MAGI2: variants seen among roughly 807,000 people sequenced by gnomAD.
MAGI2 encodes the protein membrane associated guanylate kinase, WW and PDZ domain containing 2, also known as membrane-associated guanylate kinase, WW and PDZ domain-containing protein 2.
A neutral mutation model predicts 133.3 loss-of-function variants in MAGI2; 35 were observed. That is an observed-to-expected ratio of 0.26 (90% CI 0.20 to 0.35). MAGI2 has a LOEUF of 0.35. MAGI2 is among the 10% of genes least tolerant of loss of function. MAGI2 has a pLI of 1.00. For missense variants in MAGI2, 1,636 were observed against 1,863.4 expected (o/e 0.88, Z 2.25); for synonymous variants, 729 against 710.6 (o/e 1.03, Z -0.41).
At chr7:79,092,433 T>C (rs773939370) in intron 1 of MAGI2, among the ~76,000 whole-genome samples, 1 of 151,420 alleles carries the variant, frequency 6.6e-6, no homozygotes, top group Admixed American at 6.6e-5. Context: ...ATGGGAAAAA[T>C]AGGTTTGAAA....
intron 1 of MAGI2, among the ~76,000 whole-genome samples, chr7:79,192,860 C>T (rs1278927594): frequency 1.3e-5 from 2 of 151,788 alleles, no homozygotes; most frequent in Non-Finnish European, 2.9e-5. Context: ...CACTCTGTCT[C>T]TTTGAGAACA....
At chr7:78,220,810 G>A (rs1563281796) in intron 10 of MAGI2, among the ~76,000 whole-genome samples, 1 of 152,080 alleles carries the variant, frequency 6.6e-6, no homozygotes, top group African/African-American at 2.4e-5. Flanking sequence ...GGCAGAATTG[G>A]GACAATATTC....
intron 1 of MAGI2, among the ~76,000 whole-genome samples, chr7:79,242,966 C>A (rs1832534896): frequency 6.6e-6 from 1 of 151,918 alleles, no homozygotes; most frequent in African/African-American, 2.4e-5. Flanking sequence ...TCTGTAATCC[C>A]AACACTTTGG....
At chr7:79,272,344 G>T (rs190442581) in intron 1 of MAGI2, among the ~76,000 whole-genome samples, 20 of 152,224 alleles carry the variant, frequency 1.3e-4, no homozygotes, top group Non-Finnish European at 2.4e-4. Flanking sequence ...TATATTTTAT[G>T]TATATCTCTA....
intron 2 of MAGI2, among the ~76,000 whole-genome samples, chr7:78,651,018 A>G (rs562212131): frequency 3.9e-5 from 6 of 152,290 alleles, no homozygotes; most frequent in African/African-American, 7.2e-5. Flanking sequence ...AATCCTTGAC[A>G]TGGTAACTTC....
At chr7:79,266,015 AT>A (rs147534102) in intron 1 of MAGI2, among the ~76,000 whole-genome samples, 1 of 152,064 alleles carries the variant, frequency 6.6e-6, no homozygotes, top group Non-Finnish European at 1.5e-5. Flanking sequence ...AAAAATAATG[AT>A]TTTTTCTGCA....
At chr7:78,722,718 T>A (rs1415062617) in intron 2 of MAGI2, among the ~76,000 whole-genome samples, 1 of 152,060 alleles carries the variant, frequency 6.6e-6, no homozygotes, top group Non-Finnish European at 1.5e-5. Context: ...ACAACCTCTG[T>A]TAAATAATTT....
intron 9 of MAGI2, among the ~76,000 whole-genome samples, chr7:78,291,769 T>A (rs542090259): frequency 6.6e-6 from 1 of 152,354 alleles, no homozygotes; most frequent in Admixed American, 6.5e-5. Context: ...GATGCAAGGC[T>A]GGTTCAACAT....
intron 9 of MAGI2, among the ~76,000 whole-genome samples, chr7:78,324,998 A>C (rs1788440340): frequency 6.6e-6 from 1 of 152,088 alleles, no homozygotes; most frequent in Non-Finnish European, 1.5e-5. Flanking sequence ...AATAAAATAA[A>C]ACAATGAATC....
chr7:79,398,527 A>G (rs535717788), intron 1 of MAGI2, among the ~76,000 whole-genome samples: 1 of 152,322 alleles, frequency 6.6e-6, no homozygotes, highest in African/African-American at 2.4e-5. Context: ...GAATAATTGA[A>G]CAGTGTAAGC....
intron 7 of MAGI2, 127 bp downstream of exon 7, chr7:78,369,026 TTGG>T: frequency 1.7e-6 from 1 of 589,352 alleles, no homozygotes; most frequent in Non-Finnish European, 2.9e-6. Flanking sequence ...GCTGCTAGTC[TTGG>T]TGGATACTTC....
At chr7:78,409,859 CAAAT>C (rs1282517582) in intron 6 of MAGI2, among the ~76,000 whole-genome samples, 5 of 151,984 alleles carry the variant, frequency 3.3e-5, no homozygotes, top group Admixed American at 6.6e-5. Context: ...GTAAGCTTTA[CAAAT>C]TTGTTATTCA....
At position 78,235,706 on chromosome 7, in the gene MAGI2, C is replaced by G. The variant is rs923555731; in HGVS notation, c.2047+20237G>C. On this transcript the variant is annotated intron_variant, in intron 10 of 21. Coordinates refer to ENST00000354212, the MANE Select transcript of MAGI2 (RefSeq NM_012301.4). ...CTCTTTCCTTTATAAATTACCCAGT[C>G]TTGGGCAGTTCTTTATAGCAGCGTG... 1.3e-4 allele frequency among the ~76,000 whole-genome samples: 19 copies of G among 151,844 alleles called. No homozygotes were observed. The East Asian group carries it at 2.6e-3, about 21-fold the overall frequency.
intron 1 of MAGI2, among the ~76,000 whole-genome samples, chr7:79,308,142 A>G (rs768516981): frequency 2.0e-5 from 3 of 152,216 alleles, no homozygotes; most frequent in Admixed American, 6.6e-5. Flanking sequence ...TGCTGTGTGT[A>G]TGAAAAACAG....
intron 1 of MAGI2, among the ~76,000 whole-genome samples, chr7:79,287,409 G>A (rs1442159505): frequency 2.0e-5 from 3 of 152,066 alleles, no homozygotes; most frequent in African/African-American, 4.8e-5. Flanking sequence ...TTTCACCTTA[G>A]ACGCCTCCCT....
At position 79,453,191 on chromosome 7, in the gene MAGI2, G is replaced by C. The variant is rs1849414056; in HGVS notation, c.130C>G (p.Leu44Val). Residue 44 changes from leucine (L) to valine (V), a missense_variant, in exon 1 of 22, where the codon CTG becomes GTG. Around this residue, in one of 5 missense-constraint regions of MAGI2, gnomAD observed 148 missense variants for 239.0 expected, o/e 0.62. Transcript: ENST00000354212. ...ACCTTGCCGGGCTTCACCTCCCCCA[G>C]GTAGGGGAACTGTCCATTCTCGGCG... ...GGAENGQFPY[L>V]GEVKPGKVAY... The C allele has an allele frequency of 1.2e-6, 2 of 1,614,052 alleles. No homozygotes were observed. The highest frequency in any genetic ancestry group is 1.7e-6 in the Non-Finnish European group (2 of 1,180,040).
At chr7:78,409,467 A>C (rs1797676573) in intron 6 of MAGI2, among the ~76,000 whole-genome samples, 2 of 152,002 alleles carry the variant, frequency 1.3e-5, no homozygotes, top group African/African-American at 4.8e-5. Flanking sequence ...CTTCAGGGGC[A>C]TCACAAAAAA....
rs139915886 is a variant in MAGI2 at position 79,276,861 on chromosome 7, A to G, written c.301+176159T>C. ...ACCCCTGTGGTCCCAGGTACTTGGGAAGCTGAGGTAGGAGGATTGCTTGAG... is the reference window on the plus strand; with the variant it reads ...ACCCCTGTGGTCCCAGGTACTTGGGGAGCTGAGGTAGGAGGATTGCTTGAG... On this transcript the variant is annotated intron_variant, in intron 1 of 21. Coordinates refer to ENST00000354212, the MANE Select transcript of MAGI2 (RefSeq NM_012301.4). Among the ~76,000 whole-genome samples the G allele has an allele frequency of 3.5e-4, 53 of 152,150 alleles. No homozygotes were observed. The East Asian group carries it at 9.9e-3, about 28-fold the overall frequency.
intron 1 of MAGI2, among the ~76,000 whole-genome samples, chr7:79,202,738 T>G (rs762736923): frequency 6.6e-5 from 10 of 152,026 alleles, no homozygotes; most frequent in Non-Finnish European, 1.3e-4. Flanking sequence ...CGCAATATGG[T>G]ATACATTACT....
Sources: gnomAD v4.1 joint callset for allele counts (sites outside exome capture counted in the v4.1 genomes callset) on GRCh38, gnomAD v4.1.1 for gene constraint, gnomAD v4.1.1 regional missense constraint, MANE v1.5 for transcripts, NCBI Gene and HGNC (gene_info 2026-07-23, HGNC 2026-07-21) for gene names.